FGFBP2: variants seen among roughly 807,000 people sequenced by gnomAD.
The protein encoded by FGFBP2 is fibroblast growth factor binding protein 2.
Under a neutral mutation model 7.3 loss-of-function variants are expected in FGFBP2, and 7 were observed. The observed-to-expected ratio is 0.96, with a 90% CI of 0.55 to 1.81. The LOEUF (loss-of-function observed/expected upper bound fraction) is 1.81. Ranked by LOEUF, FGFBP2 falls within the 40% of genes most tolerant of loss-of-function variation. The pLI is 0.00. For missense variants in FGFBP2, 291 were observed against 280.1 expected (o/e 1.04, Z -0.28); for synonymous variants, 131 against 110.2 (o/e 1.19, Z -1.18).
chr4:15,962,212 C>G lies in FGFBP2; in HGVS notation c.*20+226G>C, dbSNP rs866380005. ...GGCCTGGGCATCAGCATTTTTAGAG[C>G]TCCTTGTAGGTGATTCCTATGCAAC... On this transcript the variant is annotated intron_variant, in intron 1 of 1. Transcript: ENST00000259989. Among the ~76,000 whole-genome samples the G allele has an allele frequency of 2.0e-5, 3 of 152,136 alleles. No homozygotes were observed. In the Middle Eastern group the frequency reaches 0.01, roughly 517 times the overall value.
chr4:15,963,062 C>T lies in FGFBP2; in HGVS notation c.68G>A (p.Arg23Lys), dbSNP rs1374388679. The change falls in exon 1 of 2, where the codon AGG (arginine) becomes AAG (lysine). Residue 23 changes from arginine to lysine, a missense_variant. Transcript: ENST00000259989. Reference protein sequence around the residue: ...SCLGTLGQAPRQKQGSTGEEF... With the variant: ...SCLGTLGQAPKQKQGSTGEEF... ...CTCCCCAGTGCTTCCTTGCTTTTGC[C>T]TCGGGGCCTGACCCAAAGTCCCCAG... 1 of 1,613,608 alleles carries T rather than the reference C, an allele frequency of 6.2e-7. No individual in the cohort carries two copies. Among genetic ancestry groups the T allele is most frequent in the African/African-American group, 1.3e-5 (1 of 74,910 alleles).
Position 15,963,113 on chromosome 4 carries a change from C to A in FGFBP2, c.17G>T (p.Cys6Phe), listed in dbSNP as rs1278217722. Residue 6 changes from cysteine (C) to phenylalanine (F), a missense_variant, in exon 1 of 2, where the codon TGC (cysteine) becomes TTC (phenylalanine). Physicochemically the swap from Cys to Phe is radical, Grantham distance 205. Coordinates refer to ENST00000259989, the MANE Select transcript of FGFBP2 (RefSeq NM_031950.4). ...GCAGGACAAGGTCACCAGCAGGAGGCAGGGGACGAACTTCATGGCGATACT... is the reference window on the plus strand; with the variant it reads ...GCAGGACAAGGTCACCAGCAGGAGGAAGGGGACGAACTTCATGGCGATACT... MKFVP[C>F]LLLVTLSCLG... The A allele has an allele frequency of 6.3e-7, 1 of 1,599,760 alleles. No individual in the cohort carries two copies. The highest frequency in any genetic ancestry group is 8.5e-7 in the Non-Finnish European group (1 of 1,171,680).
rs182397066 is a variant in FGFBP2, at chr4:15,961,163, A to G, written c.*21-552T>C. Among the ~76,000 whole-genome samples the G allele has an allele frequency of 5.0e-3, 758 of 152,258 alleles. 6 individuals are homozygous for G. Among genetic ancestry groups the G allele is most frequent in the South Asian group, 0.023 (109 of 4,816 alleles). Reference sequence around the variant, plus strand: ...CATCTGTCTGTGTAAATACGCATGGATGGATGTCTAAATGGGTACTCTTCT... The same window carrying G: ...CATCTGTCTGTGTAAATACGCATGGGTGGATGTCTAAATGGGTACTCTTCT... On this transcript the variant is annotated intron_variant, in intron 1 of 1. Coordinates refer to ENST00000259989, the MANE Select transcript of FGFBP2 (RefSeq NM_031950.4).
Position 15,962,558 on chromosome 4 carries a change from C to T in FGFBP2, c.572G>A (p.Arg191Lys). The T allele has an allele frequency of 6.2e-7, 1 of 1,614,006 alleles. No homozygotes were observed. Among genetic ancestry groups the T allele is most frequent in the South Asian group, 1.1e-5 (1 of 91,074 alleles). The change falls in exon 1 of 2, where the codon AGG (arginine) becomes AAG (lysine). Residue 191 changes from arginine to lysine, a missense_variant. Coordinates refer to ENST00000259989, the MANE Select transcript of FGFBP2 (RefSeq NM_031950.4). Reference protein sequence around the residue: ...PTAKPTQPGPRPGGNEEAKKK... With the variant: ...PTAKPTQPGPKPGGNEEAKKK... ...CTTTGCTTCCTCATTCCCTCCGGGC[C>T]TGGGTCCAGGCTGGGTAGGTTTGGC...
intron 1 of FGFBP2, 139 bp downstream of exon 1, chr4:15,962,299 C>T (rs1713105247): frequency 4.0e-6 from 3 of 749,650 alleles, no homozygotes; most frequent in African/African-American, 1.7e-5. Flanking sequence ...AACAGACAGC[C>T]TCAAACCCAC....
At chr4:15,962,355 A>G in intron 1 of FGFBP2, 83 bp downstream of exon 1, 4 of 1,212,522 alleles carry the variant, frequency 3.3e-6, no homozygotes, top group Non-Finnish European at 4.4e-6. Flanking sequence ...GCAGCTGTGA[A>G]AGTGCTAAGT....
intron 1 of FGFBP2, among the ~76,000 whole-genome samples, 188 bp from the exon 2 acceptor site, chr4:15,960,799 A>G (rs112927958): frequency 0.01 from 1,557 of 152,178 alleles, 30 homozygotes; most frequent in African/African-American, 0.035. Context: ...TTAAGGTAAA[A>G]TGGGGCTGTT....
chr4:15,962,605 G>C lies in FGFBP2; in HGVS notation c.525C>G (p.Ala175=), dbSNP rs147019204. 6.2e-7 allele frequency: 1 copy of C among 1,614,174 alleles called. No homozygotes were observed. Among genetic ancestry groups the C allele is most frequent in the Non-Finnish European group, 8.5e-7 (1 of 1,180,022 alleles). The change falls in exon 1 of 2, where the codon GCC becomes GCG. Residue 175 remains alanine (A), a synonymous_variant. Transcript: ENST00000259989. ...TGGCTGTGGGTCGGGTGGTGGGTTT[G>C]GCTTTTCCCAGCTCTTCCATCGAGT... is the stretch of plus-strand genomic sequence containing the variant. ...GKDSMEELGK[A]KPTTRPTAKP... is the part of the protein sequence containing the mutation.
chr4:15,962,715 G>A lies in FGFBP2; in HGVS notation c.415C>T (p.Pro139Ser). The change falls in exon 1 of 2, where the codon CCC becomes TCC. Residue 139 changes from proline (P) to serine (S), a missense_variant. Physicochemically the swap from Pro to Ser is moderately conservative, Grantham distance 74 (BLOSUM62 -1). Coordinates refer to ENST00000259989, the MANE Select transcript of FGFBP2 (RefSeq NM_031950.4). Reference protein sequence around the residue: ...VTSSLKGSPEPNQQPEAGTPS... With the variant: ...VTSSLKGSPESNQQPEAGTPS... The stretch of plus-strand genomic sequence containing the variant: ...GTCCCAGCCTCAGGCTGCTGGTTGG[G>A]CTCTGGGCTGCCCTTGAGGCTGGAA... The A allele has an allele frequency of 1.2e-6, 2 of 1,613,858 alleles. No homozygotes were observed. Among genetic ancestry groups the A allele is most frequent in the Non-Finnish European group, 8.5e-7 (1 of 1,180,014 alleles).
At chr4:15,962,137 A>G (rs1713101513) in intron 1 of FGFBP2, among the ~76,000 whole-genome samples, 1 of 152,190 alleles carries the variant, frequency 6.6e-6, no homozygotes, top group Admixed American at 6.5e-5. Context: ...TTAAAAGTCC[A>G]CATTCCTGCG....
chr4:15,962,808 C>G lies in FGFBP2; in HGVS notation c.322G>C (p.Gly108Arg), dbSNP rs1253664848. 6.3e-7 allele frequency: 1 copy of G among 1,575,698 alleles called. No individual in the cohort carries two copies. The highest frequency in any genetic ancestry group is 1.8e-5 in the Admixed American group (1 of 56,712). The part of the protein sequence containing the change: ...ELRRLHHACQ[G>R]APVLRPSVCR... ...ACGGATGGCCTAAGCACCGGGGCCCCCTGGCACGCATGGTGAAGGCGCCTC... is the reference window on the plus strand; with the variant it reads ...ACGGATGGCCTAAGCACCGGGGCCCGCTGGCACGCATGGTGAAGGCGCCTC... The change falls in exon 1 of 2, where the codon GGG (glycine) becomes CGG (arginine). Residue 108 changes from glycine (G) to arginine (R), a missense_variant. By Grantham distance (125) the Gly-to-Arg change is moderately radical (BLOSUM62 -2). Coordinates refer to ENST00000259989, the MANE Select transcript of FGFBP2 (RefSeq NM_031950.4).
intron 1 of FGFBP2, among the ~76,000 whole-genome samples, chr4:15,961,039 G>T (rs1713071629): frequency 6.6e-6 from 1 of 152,222 alleles, no homozygotes; most frequent in African/African-American, 2.4e-5. Context: ...TGCTATGGCA[G>T]CCCCAGCAAG....
Position 15,962,587 on chromosome 4 carries a change from G to A in FGFBP2, c.543C>T (p.Pro181=), listed in dbSNP as rs1713115507. The A allele has an allele frequency of 6.2e-7, 1 of 1,614,090 alleles. No individual in the cohort carries two copies. The highest frequency in any genetic ancestry group is 1.7e-5 in the Admixed American group (1 of 60,004). ...GTCCAGGCTGGGTAGGTTTGGCTGT[G>A]GGTCGGGTGGTGGGTTTGGCTTTTC... is the stretch of plus-strand genomic sequence containing the variant. The part of the protein sequence containing the change: ...ELGKAKPTTR[P]TAKPTQPGPR... The change falls in exon 1 of 2, where the codon CCC becomes CCT. Residue 181 remains proline (P), a synonymous_variant. Transcript: ENST00000259989.
chr4:15,963,135 T>TA lies in FGFBP2; in HGVS notation c.-7dup. 1 of 1,580,134 alleles carries TA rather than the reference T, an allele frequency of 6.3e-7. No individual in the cohort carries two copies. On this transcript the variant is annotated 5_prime_UTR_variant, in exon 1 of 2. Transcript: ENST00000259989. ...AGGCAGGGGACGAACTTCATGGCGA[T>TA]ACTCCGATAAACTTGCTTGCAACTC...
rs772903611 is a variant in FGFBP2 at position 15,962,864 on chromosome 4, T to C, written c.266A>G (p.Lys89Arg). ...CTGCAGGGCTTGATTCCAGTAAGGT[T>C]TGGGGTCAGCAGCGAAAGCCTGGCA... ...SMCQAFAADP[K>R]PYWNQALQEL... The change falls in exon 1 of 2, where the codon AAA becomes AGA. Residue 89 changes from lysine (K) to arginine (R), a missense_variant. By Grantham distance (26) the Lys-to-Arg change is conservative (BLOSUM62 2). Transcript: ENST00000259989. 5 of 1,559,194 alleles carry C rather than the reference T, an allele frequency of 3.2e-6. No individual in the cohort carries two copies. In the East Asian group the frequency reaches 1.1e-4, roughly 35 times the overall value.
At position 15,962,572 on chromosome 4, in the gene FGFBP2, G is replaced by T; in HGVS notation, c.558C>A (p.Thr186=). 1 of 1,614,154 alleles carries T rather than the reference G, an allele frequency of 6.2e-7. No individual in the cohort carries two copies. Among genetic ancestry groups the T allele is most frequent in the Middle Eastern group, 1.6e-4 (1 of 6,062 alleles). ...KPTTRPTAKP[T]QPGPRPGGNE... ...TCCCTCCGGGCCTGGGTCCAGGCTG[G>T]GTAGGTTTGGCTGTGGGTCGGGTGG... The change falls in exon 1 of 2, where the codon ACC becomes ACA. Residue 186 remains threonine, a synonymous_variant. Coordinates refer to ENST00000259989, the MANE Select transcript of FGFBP2 (RefSeq NM_031950.4).
At position 15,962,582 on chromosome 4, in the gene FGFBP2, G is replaced by T. The variant is rs775351877; in HGVS notation, c.548C>A (p.Ala183Asp). Residue 183 changes from alanine (A) to aspartate (D), a missense_variant, in exon 1 of 2, where the codon GCC becomes GAC. Transcript: ENST00000259989. ...CCTGGGTCCAGGCTGGGTAGGTTTG[G>T]CTGTGGGTCGGGTGGTGGGTTTGGC... is the stretch of plus-strand genomic sequence containing the variant. ...GKAKPTTRPT[A>D]KPTQPGPRPG... 1 of 1,614,172 alleles carries T rather than the reference G, an allele frequency of 6.2e-7. No individual in the cohort carries two copies. Among genetic ancestry groups the T allele is most frequent in the Non-Finnish European group, 8.5e-7 (1 of 1,180,016 alleles).
At position 15,962,933 on chromosome 4, in the gene FGFBP2, G is replaced by A. The variant is rs1341847800; in HGVS notation, c.197C>T (p.Thr66Ile). The A allele has an allele frequency of 6.2e-7, 1 of 1,604,058 alleles. No homozygotes were observed. The highest frequency in any genetic ancestry group is 2.2e-5 in the East Asian group (1 of 44,800). Residue 66 changes from threonine to isoleucine, a missense_variant, in exon 1 of 2, where the codon ACA becomes ATA. Coordinates refer to ENST00000259989, the MANE Select transcript of FGFBP2 (RefSeq NM_031950.4). The part of the protein sequence containing the change: ...EVWLRVDCRN[T>I]DQTYWCEYRG... ...GTACTCACACCAGTAGGTCTGGTCT[G>A]TGTTGCGGCAGTCGACACGAAGCCA...
At position 15,963,167 on chromosome 4, in the gene FGFBP2, A is replaced by T. The variant is rs1713138379; in HGVS notation, c.-38T>A. The T allele has an allele frequency of 1.3e-6, 2 of 1,545,168 alleles. No homozygotes were observed. The highest frequency in any genetic ancestry group is 4.5e-5 in the East Asian group (2 of 44,246). ...ATAAACTTGCTTGCAACTCTGCACC[A>T]GGAGAGAGAACACAAGTGGGACGAG... On this transcript the variant is annotated 5_prime_UTR_variant, in exon 1 of 2. Coordinates refer to ENST00000259989, the MANE Select transcript of FGFBP2 (RefSeq NM_031950.4).
Sources: gnomAD v4.1 joint callset for allele counts (sites outside exome capture counted in the v4.1 genomes callset) on GRCh38, gnomAD v4.1.1 for gene constraint, MANE v1.5 for transcripts, NCBI Gene and HGNC (gene_info 2026-07-23, HGNC 2026-07-21) for gene names.